The following PLK1 variants were observed in gnomAD, a reference collection of about 807,000 sequenced individuals.
The protein encoded by PLK1 is serine/threonine-protein kinase PLK1.
PLK1 carries 6 observed loss-of-function variants against 56.7 expected under a neutral mutation model. The ratio of observed to expected loss-of-function variants is 0.11; its 90% confidence interval spans 0.06 to 0.21. The LOEUF (loss-of-function observed/expected upper bound fraction) is 0.21, where lower values mean the gene tolerates loss of function less well. PLK1 is among the 10% of genes least tolerant of loss of function. The probability of loss-of-function intolerance (pLI) is 1.00; values close to 1 mark genes in which losing one functional copy is unlikely to be tolerated. For missense variants in PLK1, 546 were observed against 814.4 expected (o/e 0.67, Z 4.01); for synonymous variants, 298 against 325.0 (o/e 0.92, Z 0.89).
rs752098841 is a variant in PLK1, at chr16:23,689,349, C to A, written c.1382C>A (p.Ser461Tyr). 3.7e-5 allele frequency: 60 copies of A among 1,613,336 alleles called. No homozygotes were observed. The highest frequency in any genetic ancestry group is 5.0e-5 in the Non-Finnish European group (59 of 1,179,410). Residue 461 changes from serine (S) to tyrosine (Y), a missense_variant, in exon 8 of 10, where the codon TCC becomes TAC. This residue lies in a region of PLK1 where 113 missense variants were observed against 202.0 expected (regional missense o/e 0.56). Coordinates refer to ENST00000300093, the MANE Select transcript of PLK1 (RefSeq NM_005030.6). This position sits in a 1 kb window ranked among gnomAD's most constrained non-coding sequence, Gnocchi z 4.8. ...TACATAGAGCGTGACGGCACTGAGTCCTACCTCACCGTGAGTTCCCATCCC... is the reference window on the plus strand; with the variant it reads ...TACATAGAGCGTGACGGCACTGAGTACTACCTCACCGTGAGTTCCCATCCC... ...LQYIERDGTESYLTVSSHPNS... is the reference protein window; with the variant it reads ...LQYIERDGTEYYLTVSSHPNS...
intron 6 of PLK1, 63 bp downstream of exon 6, chr16:23,687,687 AGGCTT>A: frequency 1.5e-6 from 2 of 1,295,236 alleles, no homozygotes; most frequent in Non-Finnish European, 2.1e-6. Context: ...AGGCAGGAGG[AGGCTT>A]GGCCAACAAA....
intron 5 of PLK1, among the ~76,000 whole-genome samples, chr16:23,685,609 G>A (rs1959414815): frequency 6.6e-6 from 1 of 151,896 alleles, no homozygotes; most frequent in African/African-American, 2.4e-5. Context: ...TCGGGACACT[G>A]AGGCACAAGA....
At chr16:23,685,170 T>C (rs1959407181) in intron 5 of PLK1, among the ~76,000 whole-genome samples, 1 of 151,904 alleles carries the variant, frequency 6.6e-6, no homozygotes, top group African/African-American at 2.4e-5. Flanking sequence ...TTTTAGGTAT[T>C]GGTTTTTCTT....
At chr16:23,688,597 G>T (rs2141000871) in intron 6 of PLK1, 71 bp from the exon 7 acceptor site, 1 of 1,211,742 alleles carries the variant, frequency 8.3e-7, no homozygotes, top group South Asian at 1.2e-5. Context: ...CCCTGGTGTG[G>T]GCCACATGTG....
chr16:23,687,884 C>A, intron 6 of PLK1: 1 of 282,586 alleles, frequency 3.5e-6, no homozygotes, highest in East Asian at 5.7e-5. Context: ...ATTGTATCTT[C>A]AAGACCCTTG....
chr16:23,684,399 T>A (rs1306317444), intron 5 of PLK1, among the ~76,000 whole-genome samples: 2 of 152,204 alleles, frequency 1.3e-5, no homozygotes, highest in Non-Finnish European at 2.9e-5. Flanking sequence ...ATTTTCCAGG[T>A]TGGAGTGCAG....
rs752799647 is a variant in PLK1 at position 23,688,763 on chromosome 16, C to T, written c.1270+18C>T. The T allele has an allele frequency of 1.3e-6, 2 of 1,576,244 alleles. No individual in the cohort carries two copies. Among genetic ancestry groups the T allele is most frequent in the South Asian group, 2.2e-5 (2 of 90,350 alleles). On this transcript the variant is annotated intron_variant, in intron 7 of 9. Coordinates refer to ENST00000300093, the MANE Select transcript of PLK1 (RefSeq NM_005030.6). ...CGGCCTTGGTAGGTTTCTTCCAGAA[C>T]AGGTGGGTGACTCAGGCACAGCCAG...
At chr16:23,681,334 G>A (rs1959327907) in intron 3 of PLK1, among the ~76,000 whole-genome samples, 1 of 152,206 alleles carries the variant, frequency 6.6e-6, no homozygotes, top group African/African-American at 2.4e-5. Context: ...GTTGTCCACA[G>A]GGCAGCATCA....
At chr16:23,679,537 G>T in intron 1 of PLK1, 197 bp downstream of exon 1, 1 of 576,170 alleles carries the variant, frequency 1.7e-6, no homozygotes, top group South Asian at 2.3e-5. Context: ...GCTAGAGGAG[G>T]GGGTTCCAGT....
In PLK1 at chr16:23,680,904, T is replaced by C. The variant is rs753002004; in HGVS notation, c.578-10T>C. On this transcript the variant is annotated splice_polypyrimidine_tract_variant and intron_variant, in intron 2 of 9. Coordinates refer to ENST00000300093, the MANE Select transcript of PLK1 (RefSeq NM_005030.6). ...CATCTAAGTACCAACTCTTCCTCCC[T>C]CTGTCCCAGGGGATTTTGGACTGGC... The C allele has an allele frequency of 1.9e-6, 3 of 1,605,296 alleles. No individual in the cohort carries two copies. The highest frequency in any genetic ancestry group is 2.5e-6 in the Non-Finnish European group (3 of 1,177,052).
In PLK1 at chr16:23,689,913, C is replaced by G; in HGVS notation, c.1662C>G (p.Asp554Glu). 6.2e-7 allele frequency: 1 copy of G among 1,614,130 alleles called. No homozygotes were observed. Among genetic ancestry groups the G allele is most frequent in the East Asian group, 2.2e-5 (1 of 44,888 alleles). Residue 554 changes from aspartate to glutamate, a missense_variant, in exon 10 of 10, where the codon GAC (aspartate) becomes GAG (glutamate). Coordinates refer to ENST00000300093, the MANE Select transcript of PLK1 (RefSeq NM_005030.6). The surrounding 1 kb of genome is among the most constrained non-coding windows in gnomAD (Gnocchi z 4.8). ...CPLMAAVTYI[D>E]EKRDFRTYRL... ...TGATGGCAGCCGTGACCTACATCGA[C>G]GAGAAGCGGGACTTCCGCACATACC...
At position 23,687,451 on chromosome 16, in the gene PLK1, T is replaced by G; in HGVS notation, c.1037-18T>G. On this transcript the variant is annotated intron_variant, in intron 5 of 9. Transcript: ENST00000300093. The stretch of plus-strand genomic sequence containing the variant: ...TCCCGTGCCCTTCCCAACGCCCCTG[T>G]TTTTGTCACCTTCCTAGGCTTGGAG... The G allele has an allele frequency of 6.5e-7, 1 of 1,540,364 alleles. No homozygotes were observed. Among genetic ancestry groups the G allele is most frequent in the South Asian group, 1.2e-5 (1 of 83,552 alleles).
Position 23,689,923 on chromosome 16 carries a change from G to A in PLK1, c.1672G>A (p.Asp558Asn). Residue 558 changes from aspartate to asparagine, a missense_variant, in exon 10 of 10, where the codon GAC becomes AAC. By Grantham distance (23) the Asp-to-Asn change is conservative (BLOSUM62 1). Transcript: ENST00000300093. The surrounding 1 kb of genome is among the most constrained non-coding windows in gnomAD (Gnocchi z 4.8). ...CGTGACCTACATCGACGAGAAGCGG[G>A]ACTTCCGCACATACCGCCTGAGTCT... The part of the protein sequence containing the change: ...AAVTYIDEKR[D>N]FRTYRLSLLE... 1 of 1,614,134 alleles carries A rather than the reference G, an allele frequency of 6.2e-7. No homozygotes were observed. The highest frequency in any genetic ancestry group is 8.5e-7 in the Non-Finnish European group (1 of 1,180,016).
chr16:23,679,217 G>A lies in PLK1; in HGVS notation c.285G>A (p.Arg95=), dbSNP rs367814476. 6.2e-7 allele frequency: 1 copy of A among 1,614,152 alleles called. No individual in the cohort carries two copies. The highest frequency in any genetic ancestry group is 8.5e-7 in the Non-Finnish European group (1 of 1,180,046). ...PKSLLLKPHQ[R]EKMSMEISIH... ...CTCTGCTGCTCAAGCCGCACCAGAGGGAGAAGATGTCCATGGAAATATCCA... is the reference window on the plus strand; with the variant it reads ...CTCTGCTGCTCAAGCCGCACCAGAGAGAGAAGATGTCCATGGAAATATCCA... Residue 95 remains arginine (R), a synonymous_variant, in exon 1 of 10, where the codon AGG becomes AGA. Transcript: ENST00000300093.
chr16:23,686,761 G>T (rs927594924), intron 5 of PLK1, among the ~76,000 whole-genome samples: 1 of 152,180 alleles, frequency 6.6e-6, no homozygotes, highest in East Asian at 1.9e-4. Context: ...ATAGTGTTGG[G>T]ATTACAAGTG....
At position 23,679,209 on chromosome 16, in the gene PLK1, C is replaced by G. The variant is rs777243517; in HGVS notation, c.277C>G (p.His93Asp). ...IVPKSLLLKP[H>D]QREKMSMEIS... ...GCCTAAGTCTCTGCTGCTCAAGCCG[C>G]ACCAGAGGGAGAAGATGTCCATGGA... Residue 93 changes from histidine to aspartate, a missense_variant, in exon 1 of 10, where the codon CAC (histidine) becomes GAC (aspartate). His to Asp is a moderately conservative substitution (Grantham distance 81). This residue lies in a region of PLK1 where 111 missense variants were observed against 211.8 expected (regional missense o/e 0.52). Transcript: ENST00000300093. The G allele has an allele frequency of 6.2e-7, 1 of 1,614,172 alleles. No individual in the cohort carries two copies. Among genetic ancestry groups the G allele is most frequent in the South Asian group, 1.1e-5 (1 of 91,088 alleles).
At chr16:23,680,794 G>C (rs1959318957) in intron 2 of PLK1, 120 bp from the exon 3 acceptor site, 1 of 945,612 alleles carries the variant, frequency 1.1e-6, no homozygotes, top group Non-Finnish European at 1.6e-6. Flanking sequence ...CATACAAGGA[G>C]CAGAGGCTTG....
At position 23,680,206 on chromosome 16, in the gene PLK1, C is replaced by T; in HGVS notation, c.531C>T (p.Leu177=). The T allele has an allele frequency of 6.2e-7, 1 of 1,614,040 alleles. No individual in the cohort carries two copies. The highest frequency in any genetic ancestry group is 1.3e-5 in the African/African-American group (1 of 75,026). Reference sequence around the variant, plus strand: ...GAAACCGAGTTATTCATCGAGACCTCAAGCTGGGCAACCTTTTCCTGAATG... The same window carrying T: ...GAAACCGAGTTATTCATCGAGACCTTAAGCTGGGCAACCTTTTCCTGAATG... The part of the protein sequence containing the change: ...LHRNRVIHRD[L]KLGNLFLNED... Residue 177 remains leucine, a synonymous_variant, in exon 2 of 10, where the codon CTC becomes CTT. Coordinates refer to ENST00000300093, the MANE Select transcript of PLK1 (RefSeq NM_005030.6).
chr16:23,688,562 G>C (rs1426597985), intron 6 of PLK1, 106 bp from the exon 7 acceptor site: 3 of 886,016 alleles, frequency 3.4e-6, no homozygotes, highest in Admixed American at 1.7e-5. Flanking sequence ...GAGCCCAGGT[G>C]GGGTGCCCAG....
Sources: gnomAD v4.1 joint callset for allele counts (sites outside exome capture counted in the v4.1 genomes callset) on GRCh38, gnomAD v4.1.1 for gene constraint, gnomAD v4.1.1 regional missense constraint, Gnocchi (gnomAD v3.1) non-coding constraint, MANE v1.5 for transcripts, NCBI Gene and HGNC (gene_info 2026-07-23, HGNC 2026-07-21) for gene names.